Variants in VIPR1 observed in about 807,000 individuals in gnomAD.
VIPR1 encodes the protein vasoactive intestinal peptide receptor 1, also known as vasoactive intestinal polypeptide receptor 1.
A neutral mutation model predicts 58.8 loss-of-function variants in VIPR1; 59 were observed. That is an observed-to-expected ratio of 1.00 (90% CI 0.81 to 1.25). The LOEUF (loss-of-function observed/expected upper bound fraction) is 1.25. Ranked by LOEUF, VIPR1 falls within the 50% of genes most tolerant of loss-of-function variation. The pLI is 0.00. For synonymous variants in VIPR1, 251 were observed against 242.1 expected, an observed-to-expected ratio of 1.04 and a Z score of -0.34; for missense variants, 626 against 602.7, an observed-to-expected ratio of 1.04 and a Z score of -0.40.
At chr3:42,493,345 T>C (rs1577188748) in intron 1 of VIPR1, among the ~76,000 whole-genome samples, 1 of 152,144 alleles carries the variant, frequency 6.6e-6, no homozygotes, top group African/African-American at 2.4e-5. Flanking sequence ...AAAATAGCCT[T>C]GTCTCCCCAG....
At chr3:42,529,973 C>T (rs1424925056) in intron 6 of VIPR1, 5 of 152,264 alleles carry the variant, frequency 3.3e-5, no homozygotes, top group African/African-American at 1.2e-4. Context: ...TCTACTTCCC[C>T]CTCTTCCACC....
rs766282936 is a variant in VIPR1 at position 42,525,870 on chromosome 3, C to T, written c.293-17C>T. ...TCCCGGCCTCAGCCTTTGTCCTTGC[C>T]CCTGCCCTCCACCCAGGCCGCAATG... On this transcript the variant is annotated splice_polypyrimidine_tract_variant and intron_variant, in intron 3 of 12. Coordinates refer to ENST00000325123, the MANE Select transcript of VIPR1 (RefSeq NM_004624.4). 6.3e-7 allele frequency: 1 copy of T among 1,594,428 alleles called. No individual in the cohort carries two copies. The highest frequency in any genetic ancestry group is 8.5e-7 in the Non-Finnish European group (1 of 1,170,800).
In VIPR1 at chr3:42,536,476, A is replaced by G; in HGVS notation, c.*195A>G. 5.8e-6 allele frequency: 3 copies of G among 515,790 alleles called. No homozygotes were observed. The highest frequency in any genetic ancestry group is 6.5e-6 in the Non-Finnish European group (2 of 308,816). The allele number at this position is 515,790 out of a possible 1,614,324, so 32.0% of individuals were successfully genotyped here. A position where few individuals can be genotyped will look rare whatever the true frequency, so the allele number is the denominator to read the frequency against. ...AGAGCCTGCCTGGAGCGTTTCTAGC[A>G]AGTGAGAGAGATGGGAGCTCCTCTC... On this transcript the variant is annotated 3_prime_UTR_variant, in exon 13 of 13. Coordinates refer to ENST00000325123, the MANE Select transcript of VIPR1 (RefSeq NM_004624.4).
intron 1 of VIPR1, among the ~76,000 whole-genome samples, chr3:42,492,908 C>A (rs1398973972): frequency 6.6e-6 from 1 of 152,240 alleles, no homozygotes; most frequent in African/African-American, 2.4e-5. Flanking sequence ...CCTGAACTTG[C>A]CAGGACCATG....
chr3:42,530,255 G>C (rs1484187444), intron 6 of VIPR1: 1 of 155,388 alleles, frequency 6.4e-6, no homozygotes, highest in Non-Finnish European at 1.4e-5. Flanking sequence ...GGGGCAGGTA[G>C]GTAGATATGT....
intron 1 of VIPR1, chr3:42,513,469 T>G (rs981376808): frequency 5.2e-6 from 2 of 382,174 alleles, no homozygotes; most frequent in African/African-American, 2.0e-5. Flanking sequence ...TGCCGCCATC[T>G]GGAGTTGTGC....
intron 6 of VIPR1, 65 bp downstream of exon 6, chr3:42,528,188 C>T (rs1701341410): frequency 2.6e-6 from 4 of 1,565,766 alleles, no homozygotes; most frequent in Non-Finnish European, 3.5e-6. Context: ...CTGTAATCTC[C>T]TCTTCTCCCC....
Position 42,536,898 on chromosome 3 carries a change from C to T in VIPR1, c.*617C>T, listed in dbSNP as rs1701884980. 1 of 152,148 alleles carries T rather than the reference C, an allele frequency of 6.6e-6. No homozygotes were observed. Among genetic ancestry groups the T allele is most frequent in the African/African-American group, 2.4e-5 (1 of 41,404 alleles). The allele number at this position is 152,148 out of a possible 1,614,324, so 9.4% of individuals were successfully genotyped here. Reference sequence around the variant, plus strand: ...GAGAGCACACCTATCTTAGTGGTTCCCCACCGAAGTGGACTGGCCCCTGGG... The same window carrying T: ...GAGAGCACACCTATCTTAGTGGTTCTCCACCGAAGTGGACTGGCCCCTGGG... On this transcript the variant is annotated 3_prime_UTR_variant, in exon 13 of 13. Coordinates refer to ENST00000325123, the MANE Select transcript of VIPR1 (RefSeq NM_004624.4).
chr3:42,513,978 G>A, intron 2 of VIPR1, 124 bp downstream of exon 2: 1 of 1,119,922 alleles, frequency 8.9e-7, no homozygotes. Flanking sequence ...GGAGCGGCTG[G>A]GGAGCCAGAT....
At chr3:42,514,027 C>G (rs576623852) in intron 2 of VIPR1, among the ~76,000 whole-genome samples, 173 bp downstream of exon 2, 10 of 152,296 alleles carry the variant, frequency 6.6e-5, no homozygotes, top group Non-Finnish European at 1.2e-4. Context: ...ACATTCCCAC[C>G]CCAGGTCTGG....
At chr3:42,532,056 A>G (rs1262189273) in intron 9 of VIPR1, 186 bp from the exon 10 acceptor site, 3 of 888,194 alleles carry the variant, frequency 3.4e-6, no homozygotes, top group East Asian at 2.6e-5. Flanking sequence ...TTGGGAGCAC[A>G]GTCCTTAGGG....
At position 42,530,880 on chromosome 3, in the gene VIPR1, C is replaced by T. The variant is rs1246156934; in HGVS notation, c.738C>T (p.Val246=). Residue 246 remains valine, a synonymous_variant, in exon 7 of 13, where the codon GTC becomes GTT. Coordinates refer to ENST00000325123, the MANE Select transcript of VIPR1 (RefSeq NM_004624.4). ...EGLYLYTLLA[V]SFFSERKYFW... is the part of the protein sequence containing the mutation. ...TCTACCTGTACACCCTGCTTGCCGT[C>T]TCCTTCTTCTCTGAGCGGAAGTACT... 1 of 1,614,106 alleles carries T rather than the reference C, an allele frequency of 6.2e-7. No homozygotes were observed.
intron 1 of VIPR1, among the ~76,000 whole-genome samples, chr3:42,497,132 C>T (rs1308383738): frequency 6.6e-6 from 1 of 152,128 alleles, no homozygotes; most frequent in Non-Finnish European, 1.5e-5. Flanking sequence ...GGGAGGTTAG[C>T]GTGAGAACTT....
At chr3:42,529,893 C>T (rs941176953) in intron 6 of VIPR1, 1 of 152,146 alleles carries the variant, frequency 6.6e-6, no homozygotes, top group African/African-American at 2.4e-5. Flanking sequence ...CTAAGAAACC[C>T]ATTCTTCCAC....
At chr3:42,499,619 C>G (rs1313141054), upstream of VIPR1, among the ~76,000 whole-genome samples, 5 of 152,190 alleles carry the variant, frequency 3.3e-5, no homozygotes, top group East Asian at 1.9e-4. Context: ...CATGGGGGAA[C>G]AGAGAGTAGG....
intron 1 of VIPR1, among the ~76,000 whole-genome samples, chr3:42,511,137 T>G (rs934957640): frequency 6.6e-6 from 1 of 152,180 alleles, no homozygotes; most frequent in Non-Finnish European, 1.5e-5. Context: ...TAGAGCTGGT[T>G]TCAGGCATGG....
At chr3:42,529,100 A>G (rs1701389003) in intron 6 of VIPR1, among the ~76,000 whole-genome samples, 1 of 152,138 alleles carries the variant, frequency 6.6e-6, no homozygotes, top group Non-Finnish European at 1.5e-5. Context: ...TGGCTTCCCA[A>G]TTCATTACTG....
Position 42,524,069 on chromosome 3 carries a change from C to T in VIPR1, c.293-1818C>T, listed in dbSNP as rs529669610. Among the ~76,000 whole-genome samples, 8 of 152,336 alleles carry T rather than the reference C, an allele frequency of 5.3e-5. No homozygotes were observed. In the East Asian group the frequency reaches 9.6e-4, roughly 18 times the overall value. ...TGACCTCGTGATCTGCCTGCCTTGG[C>T]CTACCAAACTGCTGGGATTACAGGC... is the stretch of plus-strand genomic sequence containing the variant. On this transcript the variant is annotated intron_variant, in intron 3 of 12. Coordinates refer to ENST00000325123, the MANE Select transcript of VIPR1 (RefSeq NM_004624.4).
intron 11 of VIPR1, 37 bp downstream of exon 11, chr3:42,535,141 G>C: frequency 3.1e-6 from 5 of 1,613,532 alleles, no homozygotes; most frequent in Non-Finnish European, 4.2e-6. Context: ...TTCTTCCCTG[G>C]CTTTTAAGGG....
Sources: allele counts gnomAD v4.1 joint callset (sites outside exome capture counted in the v4.1 genomes callset), GRCh38; gene constraint gnomAD v4.1.1; transcripts MANE v1.5; gene names NCBI Gene and HGNC (gene_info 2026-07-23, HGNC 2026-07-21).